The following BCAT1 variants were observed in gnomAD, a reference collection of about 807,000 sequenced individuals.
BCAT1 encodes the protein branched-chain-amino-acid aminotransferase, cytosolic.
Under a neutral mutation model 52.4 loss-of-function variants are expected in BCAT1, and 48 were observed. The observed-to-expected ratio is 0.92, with a 90% CI of 0.73 to 1.16. BCAT1 has a LOEUF of 1.16. Among genes scored for constraint, BCAT1 ranks in the 50% most tolerant of loss-of-function variants. BCAT1 has a pLI of 0.00. For synonymous variants in BCAT1, 167 were observed against 161.3 expected (o/e 1.04, Z -0.27); for missense variants, 451 against 457.1 (o/e 0.99, Z 0.12).
intron 1 of BCAT1, chr12:24,903,157 C>T: frequency 1.6e-6 from 2 of 1,270,050 alleles, no homozygotes; most frequent in Non-Finnish European, 2.0e-6. Flanking sequence ...GACGCAACCC[C>T]TCCAGCATCC....
chr12:24,909,214 A>G (rs1320764082), intron 1 of BCAT1, among the ~76,000 whole-genome samples: 1 of 152,184 alleles, frequency 6.6e-6, no homozygotes, highest in African/African-American at 2.4e-5. Flanking sequence ...TTTGGTTCAG[A>G]AAACAAACTG....
Position 24,907,754 on chromosome 12 carries a change from T to C in BCAT1, c.7-5869A>G, listed in dbSNP as rs574035858. On this transcript the variant is annotated intron_variant, in intron 1 of 10. Transcript: ENST00000261192. Reference sequence around the variant, plus strand: ...GCCCTTGAGAATGTACTTTGTAAGATCCATCCCCTGCCCACAAAAAATTGT... The same window carrying C: ...GCCCTTGAGAATGTACTTTGTAAGACCCATCCCCTGCCCACAAAAAATTGT... Among the ~76,000 whole-genome samples, 3 of 152,294 alleles carry C rather than the reference T, an allele frequency of 2.0e-5. No homozygotes were observed. In the South Asian group the frequency reaches 6.2e-4, roughly 32 times the overall value.
In BCAT1 at chr12:24,933,674, C is replaced by A. The variant is rs1394899571; in HGVS notation, c.6+15253G>T. ...TCTGGGGTATATACCCCAGGTTCAT[C>A]CTCTCATGCCGGGAAAATTCAGAAC... On this transcript the variant is annotated intron_variant, in intron 1 of 10. Transcript: ENST00000261192. Among the ~76,000 whole-genome samples the A allele has an allele frequency of 2.6e-5, 4 of 152,006 alleles. No homozygotes were observed. In the East Asian group the frequency reaches 7.7e-4, roughly 29 times the overall value.
intron 3 of BCAT1, among the ~76,000 whole-genome samples, chr12:24,891,122 G>T (rs1436405512): frequency 6.6e-6 from 1 of 152,190 alleles, no homozygotes; most frequent in Non-Finnish European, 1.5e-5. Flanking sequence ...CAGCAATAGA[G>T]CTTCCATCTG....
chr12:24,848,753 G>A (rs1941417062), intron 6 of BCAT1, among the ~76,000 whole-genome samples: 1 of 152,218 alleles, frequency 6.6e-6, no homozygotes, highest in Non-Finnish European at 1.5e-5. Context: ...ACAGGAAGGT[G>A]TGCTCTAAGC....
chr12:24,829,252 C>T (rs1318201062), intron 10 of BCAT1, among the ~76,000 whole-genome samples: 2 of 147,400 alleles, frequency 1.4e-5, no homozygotes, highest in African/African-American at 5.0e-5. Context: ...GGCATGGTGG[C>T]GCACACCTAT....
At chr12:24,854,679 A>G (rs906991460) in intron 5 of BCAT1, among the ~76,000 whole-genome samples, 2 of 152,180 alleles carry the variant, frequency 1.3e-5, no homozygotes, top group Non-Finnish European at 2.9e-5. Flanking sequence ...TTTGGCTCCA[A>G]AATATTTCAC....
intron 3 of BCAT1, among the ~76,000 whole-genome samples, chr12:24,892,308 G>A (rs1001154522): frequency 6.6e-6 from 1 of 152,030 alleles, no homozygotes; most frequent in South Asian, 2.1e-4. Context: ...ACCCCACCCA[G>A]CCTTCAAAGA....
At chr12:24,863,288 C>T (rs764939560) in intron 5 of BCAT1, among the ~76,000 whole-genome samples, 1 of 152,128 alleles carries the variant, frequency 6.6e-6, no homozygotes, top group Admixed American at 6.5e-5. Flanking sequence ...ATGTAGAGAG[C>T]GCCAGGGCTC....
chr12:24,921,901 G>A (rs1222903800), intron 1 of BCAT1, among the ~76,000 whole-genome samples: 1 of 152,100 alleles, frequency 6.6e-6, no homozygotes, highest in Non-Finnish European at 1.5e-5. Context: ...TCAAAGGAAA[G>A]CATGAAAAAA....
chr12:24,882,690 C>G (rs2139605173), intron 3 of BCAT1, among the ~76,000 whole-genome samples: 1 of 152,044 alleles, frequency 6.6e-6, no homozygotes, highest in Admixed American at 6.6e-5. Context: ...CCTCTACCCC[C>G]TGGGTTCAAG....
intron 5 of BCAT1, among the ~76,000 whole-genome samples, chr12:24,876,275 A>AG (rs1405471406): frequency 1.1e-3 from 163 of 150,846 alleles, no homozygotes; most frequent in South Asian, 1.7e-3. Context: ...AAAAAAAAAA[A>AG]AAAGAAAGAA....
intron 1 of BCAT1, among the ~76,000 whole-genome samples, chr12:24,920,766 G>A (rs574515109): frequency 1.3e-4 from 20 of 152,322 alleles, no homozygotes; most frequent in Admixed American, 7.8e-4. Context: ...CCAGTCATAA[G>A]TTCAGGTCTC....
chr12:24,903,107 C>A, intron 1 of BCAT1: 1 of 1,347,188 alleles, frequency 7.4e-7, no homozygotes, highest in Non-Finnish European at 9.5e-7. Context: ...CGCTGGGTAC[C>A]ACGACCTGGG....
At chr12:24,920,818 A>G (rs1309857409) in intron 1 of BCAT1, among the ~76,000 whole-genome samples, 1 of 152,100 alleles carries the variant, frequency 6.6e-6, no homozygotes, top group Admixed American at 6.5e-5. Flanking sequence ...GGTTGCCATG[A>G]CCCCCTCTTC....
intron 10 of BCAT1, among the ~76,000 whole-genome samples, chr12:24,819,069 T>G (rs1940000429): frequency 6.6e-6 from 1 of 152,152 alleles, no homozygotes; most frequent in Admixed American, 6.5e-5. Context: ...TTAGGGAGAT[T>G]GAATAACTTG....
rs1939819902 is a variant in BCAT1, at chr12:24,814,826, A to ACATTTT, written c.*3176_*3181dup. 2 of 70,538 alleles carry ACATTTT rather than the reference A, an allele frequency of 2.8e-5. No individual in the cohort carries two copies. The highest frequency in any genetic ancestry group is 5.7e-5 in the African/African-American group (1 of 17,604). The allele number at this position is 70,538 out of a possible 1,614,324, so 4.4% of individuals were successfully genotyped here. A position where few individuals can be genotyped will look rare whatever the true frequency, so the allele number is the denominator to read the frequency against. ...TGTTTTTTTTTTTTTTTTTTGTCTT[A>ACATTTT]CATTTTTTCTTACAGCAATCTTTTG... On this transcript the variant is annotated 3_prime_UTR_variant, in exon 11 of 11. Coordinates refer to ENST00000261192, the MANE Select transcript of BCAT1 (RefSeq NM_005504.7).
chr12:24,843,262 T>G (rs914177406), intron 6 of BCAT1, among the ~76,000 whole-genome samples: 1 of 152,250 alleles, frequency 6.6e-6, no homozygotes. Flanking sequence ...TCTCTTAGAC[T>G]CTTTTACATC....
rs1940734635 is a variant in BCAT1, at chr12:24,832,783, C to T, written c.984G>A (p.Met328Ile). The T allele has an allele frequency of 6.2e-7, 1 of 1,611,802 alleles. No individual in the cohort carries two copies. The highest frequency in any genetic ancestry group is 8.5e-7 in the Non-Finnish European group (1 of 1,178,912). ...CAACACAGGCTGTACCAGAGCCAAA[C>T]ATCTCTCTCACTCTGTTCCCCTCCA... is the stretch of plus-strand genomic sequence containing the variant. ...TALEGNRVRE[M>I]FGSGTACVVC... Residue 328 changes from methionine (M) to isoleucine (I), a missense_variant, in exon 9 of 11, where the codon ATG becomes ATA. Coordinates refer to ENST00000261192, the MANE Select transcript of BCAT1 (RefSeq NM_005504.7).
Sources: gnomAD v4.1 joint callset for allele counts (sites outside exome capture counted in the v4.1 genomes callset) on GRCh38, gnomAD v4.1.1 for gene constraint, MANE v1.5 for transcripts, NCBI Gene and HGNC (gene_info 2026-07-23, HGNC 2026-07-21) for gene names.